NR6A1: variants seen among roughly 807,000 people sequenced by gnomAD.
NR6A1 encodes retinoic acid receptor-related testis-associated receptor.
A neutral mutation model predicts 59.1 loss-of-function variants in NR6A1; 7 were observed. That is an observed-to-expected ratio of 0.12 (90% CI 0.07 to 0.22). NR6A1 has a LOEUF of 0.22. NR6A1 is among the 10% of genes least tolerant of loss of function. The probability of loss-of-function intolerance (pLI) is 1.00; values close to 1 mark genes in which losing one functional copy is unlikely to be tolerated. For synonymous variants in NR6A1, 243 were observed against 236.1 expected (o/e 1.03, Z -0.27); for missense variants, 468 against 611.6 (o/e 0.77, Z 2.48).
intron 7 of NR6A1, among the ~76,000 whole-genome samples, chr9:124,529,667 G>A (rs552112087): frequency 7.6e-4 from 115 of 152,250 alleles, no homozygotes; most frequent in Non-Finnish European, 1.3e-3. Flanking sequence ...ACTACCACAG[G>A]GGACCTCAGG....
At chr9:124,664,407 T>G (rs1837541925) in intron 2 of NR6A1, among the ~76,000 whole-genome samples, 1 of 152,214 alleles carries the variant, frequency 6.6e-6, no homozygotes, top group South Asian at 2.1e-4. Context: ...TTTAACAAGT[T>G]GCTTCTCTCT....
At chr9:124,594,541 G>C (rs1835217386) in intron 2 of NR6A1, among the ~76,000 whole-genome samples, 2 of 152,138 alleles carry the variant, frequency 1.3e-5, no homozygotes, top group African/African-American at 4.8e-5. Flanking sequence ...CTCCTTTCTG[G>C]AAAAGCTAGT....
At chr9:124,687,295 T>TTAATTAATTAATTAA (rs571265880) in intron 2 of NR6A1, among the ~76,000 whole-genome samples, 64 of 51,818 alleles carry the variant, frequency 1.2e-3, no homozygotes, top group African/African-American at 5.2e-3. Context: ...TAATTAATTA[T>TTAATTAATTAATTAA]TTATTTATTT....
intron 1 of NR6A1, among the ~76,000 whole-genome samples, chr9:124,739,145 A>G (rs1840103482): frequency 6.6e-6 from 1 of 150,820 alleles, no homozygotes; most frequent in Admixed American, 6.6e-5. Flanking sequence ...CCCAGATCAC[A>G]TCACTGCACT....
chr9:124,591,826 A>C (rs182676078), intron 2 of NR6A1, among the ~76,000 whole-genome samples: 12 of 152,216 alleles, frequency 7.9e-5, no homozygotes, highest in African/African-American at 2.6e-4. Flanking sequence ...TTAACCTTGA[A>C]ATATGGGTAG....
intron 2 of NR6A1, among the ~76,000 whole-genome samples, chr9:124,606,170 T>C (rs1835570975): frequency 6.6e-6 from 1 of 152,218 alleles, no homozygotes; most frequent in African/African-American, 2.4e-5. Flanking sequence ...AAATGCGCCT[T>C]TGCATGTAGT....
chr9:124,727,242 T>TG (rs1221703397), intron 2 of NR6A1, among the ~76,000 whole-genome samples: 2 of 152,220 alleles, frequency 1.3e-5, no homozygotes, highest in Non-Finnish European at 2.9e-5. Context: ...TAGTAGCTTG[T>TG]GGGAAAAAAC....
intron 3 of NR6A1, among the ~76,000 whole-genome samples, chr9:124,549,639 T>C (rs2131375142): frequency 6.6e-6 from 1 of 152,298 alleles, no homozygotes; most frequent in African/African-American, 2.4e-5. Flanking sequence ...GTCTTGCACA[T>C]AGGTGAAAAA....
At chr9:124,719,006 G>T (rs1294358806) in intron 2 of NR6A1, among the ~76,000 whole-genome samples, 1 of 151,620 alleles carries the variant, frequency 6.6e-6, no homozygotes, top group Non-Finnish European at 1.5e-5. Flanking sequence ...TATTATAAAT[G>T]CTAAAAGAAG....
intron 1 of NR6A1, among the ~76,000 whole-genome samples, chr9:124,748,838 C>G (rs1316364474): frequency 6.7e-6 from 1 of 148,534 alleles, no homozygotes; most frequent in Non-Finnish European, 1.5e-5. Flanking sequence ...GCACTCTAGC[C>G]TGGGCGACAG....
chr9:124,624,858 T>C (rs1836187047), intron 2 of NR6A1, among the ~76,000 whole-genome samples: 1 of 151,566 alleles, frequency 6.6e-6, no homozygotes, highest in African/African-American at 2.4e-5. Flanking sequence ...GGCAGCACAA[T>C]CCATTTGTCC....
intron 1 of NR6A1, among the ~76,000 whole-genome samples, chr9:124,748,823 C>A (rs1432989557): frequency 6.6e-6 from 1 of 150,754 alleles, no homozygotes; most frequent in East Asian, 1.9e-4. Context: ...TGAGATCGCG[C>A]CACTGCACTC....
intron 2 of NR6A1, among the ~76,000 whole-genome samples, chr9:124,613,185 A>C (rs1249876832): frequency 6.6e-6 from 1 of 151,832 alleles, no homozygotes; most frequent in Non-Finnish European, 1.5e-5. Flanking sequence ...AAAATTTAAA[A>C]TTTAGCTGGA....
chr9:124,547,070 G>A (rs1833622159), intron 3 of NR6A1, among the ~76,000 whole-genome samples: 1 of 152,222 alleles, frequency 6.6e-6, no homozygotes, highest in African/African-American at 2.4e-5. Flanking sequence ...TGATTAAAAA[G>A]AACAAATGGC....
intron 4 of NR6A1, among the ~76,000 whole-genome samples, chr9:124,542,277 T>C (rs771974312): frequency 8.5e-5 from 13 of 152,268 alleles, no homozygotes; most frequent in Non-Finnish European, 1.8e-4. Flanking sequence ...AGAATAAAAA[T>C]GTTTTAGAAA....
chr9:124,528,071 G>T (rs1431102476), intron 7 of NR6A1, among the ~76,000 whole-genome samples: 1 of 152,198 alleles, frequency 6.6e-6, no homozygotes, highest in African/African-American at 2.4e-5. Flanking sequence ...CGCACTACAG[G>T]CCTGTGCCAA....
chr9:124,690,731 C>T (rs935785661), intron 2 of NR6A1, among the ~76,000 whole-genome samples: 2 of 151,946 alleles, frequency 1.3e-5, no homozygotes, highest in African/African-American at 2.4e-5. Context: ...TTTTTTTAAC[C>T]CTTAGACTTT....
chr9:124,630,531 C>T (rs188670852), intron 2 of NR6A1, among the ~76,000 whole-genome samples: 2 of 151,362 alleles, frequency 1.3e-5, no homozygotes, highest in African/African-American at 4.9e-5. Context: ...CCACTGCACC[C>T]AGCCCCAACT....
At chr9:124,768,225 T>C (rs899359387) in intron 1 of NR6A1, among the ~76,000 whole-genome samples, 70 of 152,214 alleles carry the variant, frequency 4.6e-4, no homozygotes, top group African/African-American at 1.5e-3. Context: ...AGACCCCCTA[T>C]CTGTATAGTT....
Sources: allele counts gnomAD v4.1 joint callset (sites outside exome capture counted in the v4.1 genomes callset), GRCh38; gene constraint gnomAD v4.1.1; transcripts MANE v1.5; gene names NCBI Gene and HGNC (gene_info 2026-07-23, HGNC 2026-07-21).